Variants in GPR15LG observed in about 807,000 individuals in gnomAD.
The protein encoded by GPR15LG is protein GPR15LG.
the GPR15LG span, among the ~76,000 whole-genome samples, chr10:84,178,231 C>T: frequency 6.6e-6 from 1 of 151,312 alleles, no homozygotes; most frequent in East Asian, 1.9e-4. Context: ...ACACCACGCA[C>T]TATACATACA....
the GPR15LG span, among the ~76,000 whole-genome samples, chr10:84,177,252 G>A: frequency 1.4e-3 from 212 of 152,346 alleles, no homozygotes; most frequent in African/African-American, 4.4e-3. Flanking sequence ...GGAGGGCTGC[G>A]GGCACCCAGT....
chr10:84,179,689 ACTC>A, the GPR15LG span, among the ~76,000 whole-genome samples: 1 of 151,672 alleles, frequency 6.6e-6, no homozygotes, highest in Non-Finnish European at 1.5e-5. Context: ...AATACTGACT[ACTC>A]CTCGTTCTAT....
the GPR15LG span, among the ~76,000 whole-genome samples, chr10:84,180,736 G>A: frequency 4.8e-3 from 738 of 152,310 alleles, 6 homozygotes; most frequent in African/African-American, 0.017. Flanking sequence ...CAAGGCAGGC[G>A]GCTGGGAGGT....
the GPR15LG span, among the ~76,000 whole-genome samples, chr10:84,183,653 T>C: frequency 6.6e-6 from 1 of 151,926 alleles, no homozygotes; most frequent in South Asian, 2.1e-4. Context: ...GTTTATTATT[T>C]ATTTTTTTTT....
the GPR15LG span, among the ~76,000 whole-genome samples, chr10:84,180,958 C>T: frequency 3.9e-5 from 6 of 152,350 alleles, no homozygotes; most frequent in South Asian, 2.1e-4. Flanking sequence ...TGGCAGCACG[C>T]GCCTGCAATC....
the GPR15LG span, among the ~76,000 whole-genome samples, chr10:84,181,361 G>A: frequency 6.6e-6 from 1 of 151,866 alleles, no homozygotes; most frequent in African/African-American, 2.4e-5. Context: ...ACAGGCGTGA[G>A]CCACCATGCC....
the GPR15LG span, among the ~76,000 whole-genome samples, chr10:84,183,478 G>A: frequency 6.6e-6 from 1 of 152,026 alleles, no homozygotes; most frequent in African/African-American, 2.4e-5. Flanking sequence ...GTACAAACGT[G>A]TTTACCTGGT....
the GPR15LG span, among the ~76,000 whole-genome samples, chr10:84,177,098 C>T: frequency 6.6e-6 from 1 of 152,214 alleles, no homozygotes; most frequent in Admixed American, 6.5e-5. Flanking sequence ...AGAGCCATAG[C>T]TTGGCAGGAG....
the GPR15LG span, among the ~76,000 whole-genome samples, chr10:84,180,944 G>T: frequency 2.0e-5 from 3 of 152,360 alleles, no homozygotes; most frequent in South Asian, 4.1e-4. Context: ...AAACCAGTCA[G>T]GTGTGGCAGC....
chr10:84,179,070 C>T, the GPR15LG span, among the ~76,000 whole-genome samples: 2 of 152,220 alleles, frequency 1.3e-5, no homozygotes, highest in African/African-American at 4.8e-5. Context: ...TGTATGAAGA[C>T]ATGCGCGTGC....
the GPR15LG span, among the ~76,000 whole-genome samples, chr10:84,178,205 T>C: frequency 1.4e-5 from 2 of 146,876 alleles, no homozygotes; most frequent in Admixed American, 1.4e-4. Flanking sequence ...ACATACTACA[T>C]GCACTCTACA....
chr10:84,176,701 T>G, the GPR15LG span: 2 of 627,852 alleles, frequency 3.2e-6, no homozygotes, highest in African/African-American at 1.8e-5. Flanking sequence ...TTTGTTTTGT[T>G]GATTAATTTG....
chr10:84,175,615 G>T, the GPR15LG span, among the ~76,000 whole-genome samples: 3 of 152,070 alleles, frequency 2.0e-5, no homozygotes, highest in African/African-American at 4.8e-5. Flanking sequence ...AGCAATACTC[G>T]CACCTCAGGT....
At chr10:84,176,602 CAGAAGT>C in the GPR15LG span, 64 of 1,522,596 alleles carry the variant, frequency 4.2e-5, no homozygotes, top group African/African-American at 6.8e-4. Flanking sequence ...GACTGTGGGG[CAGAAGT>C]TCTACAGTGG....
At chr10:84,177,027 T>A in the GPR15LG span, among the ~76,000 whole-genome samples, 9 of 152,278 alleles carry the variant, frequency 5.9e-5, no homozygotes, top group Middle Eastern at 0.01. Context: ...GTGAACCCTG[T>A]GGACCTGGGG....
the GPR15LG span, among the ~76,000 whole-genome samples, chr10:84,175,233 A>T: frequency 6.6e-6 from 1 of 152,188 alleles, no homozygotes; most frequent in South Asian, 2.1e-4. Context: ...TATAATAAGG[A>T]AAACAGTGAT....
the GPR15LG span, chr10:84,184,839 C>T: frequency 1.3e-6 from 2 of 1,594,130 alleles, no homozygotes; most frequent in Admixed American, 1.8e-5. Context: ...AGCCTCCTGT[C>T]TCCCCTTTCA....
the GPR15LG span, among the ~76,000 whole-genome samples, chr10:84,176,961 A>G: frequency 6.6e-6 from 1 of 152,046 alleles, no homozygotes; most frequent in African/African-American, 2.4e-5. Context: ...GGTATGGAAG[A>G]CAGATGGTAG....
At chr10:84,179,995 G>T in the GPR15LG span, among the ~76,000 whole-genome samples, 14 of 152,038 alleles carry the variant, frequency 9.2e-5, no homozygotes, top group African/African-American at 2.4e-4. Flanking sequence ...GTGAACAAAG[G>T]TCTCTGGTTT....
Sources: allele counts gnomAD v4.1 joint callset (sites outside exome capture counted in the v4.1 genomes callset), GRCh38; gene constraint gnomAD v4.1.1; transcripts MANE v1.5; gene names NCBI Gene and HGNC (gene_info 2026-07-23, HGNC 2026-07-21).